Variants in ASTN1 observed in about 807,000 individuals in gnomAD.
ASTN1 encodes astrotactin 1, also known as astrotactin-1.
A neutral mutation model predicts 140.7 loss-of-function variants in ASTN1; 41 were observed. The observed-to-expected ratio is 0.29, with a 90% confidence interval of 0.23 to 0.38. ASTN1 has a LOEUF of 0.38. Ranked by LOEUF, ASTN1 falls within the 10% of genes least tolerant of loss-of-function variation. The pLI is 1.00. For missense variants in ASTN1, 1,479 were observed against 1,678.8 expected, an observed-to-expected ratio of 0.88 and a Z score of 2.08; for synonymous variants, 640 against 652.2, an observed-to-expected ratio of 0.98 and a Z score of 0.29.
intron 8 of ASTN1, 147 bp downstream of exon 8, chr1:177,014,644 A>T: frequency 1.5e-6 from 1 of 654,608 alleles, no homozygotes; most frequent in Non-Finnish European, 2.7e-6. Flanking sequence ...ATAAATATGG[A>T]AAGGCATAGT....
intron 1 of ASTN1, among the ~76,000 whole-genome samples, chr1:177,062,172 A>C (rs1429536122): frequency 6.6e-6 from 1 of 152,204 alleles, no homozygotes; most frequent in African/African-American, 2.4e-5. Flanking sequence ...AGTCTCTCCC[A>C]AATTTCTAGG....
chr1:176,903,998 C>A (rs1240645762), intron 16 of ASTN1, among the ~76,000 whole-genome samples: 1 of 152,218 alleles, frequency 6.6e-6, no homozygotes, highest in Non-Finnish European at 1.5e-5. Context: ...GTGTCCAAAT[C>A]TCCCCCTCAT....
At chr1:176,998,228 G>A (rs1571625864) in intron 8 of ASTN1, among the ~76,000 whole-genome samples, 1 of 152,126 alleles carries the variant, frequency 6.6e-6, no homozygotes. Flanking sequence ...TAAAATGTGA[G>A]GAGCAAATAA....
At chr1:177,098,972 A>C (rs1680175529) in intron 1 of ASTN1, among the ~76,000 whole-genome samples, 1 of 152,180 alleles carries the variant, frequency 6.6e-6, no homozygotes, top group African/African-American at 2.4e-5. Context: ...GCAGCAAATC[A>C]AAACTACTCT....
chr1:176,864,690 C>G (rs990077627), intron 22 of ASTN1, among the ~76,000 whole-genome samples, 169 bp from the exon 23 acceptor site: 1 of 152,074 alleles, frequency 6.6e-6, no homozygotes, highest in African/African-American at 2.4e-5. Context: ...AAATATCTGT[C>G]AAGCAAATGA....
At chr1:177,050,983 T>G (rs1386865496) in intron 2 of ASTN1, among the ~76,000 whole-genome samples, 2 of 152,222 alleles carry the variant, frequency 1.3e-5, no homozygotes, top group African/African-American at 4.8e-5. Flanking sequence ...TATTTGCTAA[T>G]AAGTATCCTG....
At chr1:177,121,964 C>T (rs1034468939) in intron 1 of ASTN1, among the ~76,000 whole-genome samples, 2 of 152,050 alleles carry the variant, frequency 1.3e-5, no homozygotes, top group African/African-American at 2.4e-5. Context: ...AATGAGAGGC[C>T]CTCTTGACCC....
intron 1 of ASTN1, among the ~76,000 whole-genome samples, chr1:177,150,588 G>A (rs1682987617): frequency 6.6e-6 from 1 of 152,166 alleles, no homozygotes; most frequent in African/African-American, 2.4e-5. Context: ...ATCAGGCAGA[G>A]TGAAAGAGTA....
chr1:176,981,104 AG>A (rs1171627153), intron 8 of ASTN1, among the ~76,000 whole-genome samples: 1 of 148,062 alleles, frequency 6.8e-6, no homozygotes, highest in Non-Finnish European at 1.5e-5. Flanking sequence ...CCCAGCTACT[AG>A]GGAGGCTGAG....
intron 11 of ASTN1, 79 bp downstream of exon 11, chr1:176,957,599 T>C (rs1037559518): frequency 1.3e-5 from 20 of 1,522,526 alleles, no homozygotes; most frequent in Admixed American, 1.9e-5. Flanking sequence ...TTTTTCCCTA[T>C]GTATCTGTAT....
intron 1 of ASTN1, among the ~76,000 whole-genome samples, chr1:177,108,266 T>C (rs996506378): frequency 2.7e-5 from 4 of 150,328 alleles, no homozygotes; most frequent in South Asian, 2.1e-4. Context: ...GGAGAATCGC[T>C]TGGACCCGGG....
intron 1 of ASTN1, among the ~76,000 whole-genome samples, chr1:177,145,450 G>A (rs993295796): frequency 6.6e-6 from 1 of 152,144 alleles, no homozygotes; most frequent in African/African-American, 2.4e-5. Flanking sequence ...CCATAATTCT[G>A]AAATTCTCAA....
At chr1:177,005,272 G>A (rs1225535204) in intron 8 of ASTN1, among the ~76,000 whole-genome samples, 1 of 152,124 alleles carries the variant, frequency 6.6e-6, no homozygotes, top group Admixed American at 6.5e-5. Context: ...ATTAAAAAAT[G>A]AGATACCATT....
rs193035971 is a variant in ASTN1, at chr1:176,972,492, T to G, written c.1524-7255A>C. On this transcript the variant is annotated intron_variant, in intron 8 of 22. Coordinates refer to ENST00000361833, the MANE Select transcript of ASTN1 (RefSeq NM_004319.3). ...CTACAGTTGCTAAATGAACTACTAC[T>G]TTTTTTTAATTTTTAATTTTTTTAG... is the stretch of plus-strand genomic sequence containing the variant. 2.9e-3 allele frequency among the ~76,000 whole-genome samples: 444 copies of G among 151,994 alleles called. 3 individuals are homozygous for G. Among genetic ancestry groups the G allele is most frequent in the South Asian group, 9.4e-3 (45 of 4,808 alleles).
intron 1 of ASTN1, among the ~76,000 whole-genome samples, chr1:177,144,915 A>G (rs920136285): frequency 2.0e-5 from 3 of 152,178 alleles, no homozygotes; most frequent in African/African-American, 7.2e-5. Flanking sequence ...GTAAGAAAAC[A>G]CATGATTTAC....
rs111476792 is a variant in ASTN1 at position 176,975,071 on chromosome 1, A to G, written c.1524-9834T>C. Reference sequence around the variant, plus strand: ...CAGAGTTCATCTGTCCCCACATGGGAGAAGCTTAGCCCAGAGAACTGTAGT... The same window carrying G: ...CAGAGTTCATCTGTCCCCACATGGGGGAAGCTTAGCCCAGAGAACTGTAGT... On this transcript the variant is annotated intron_variant, in intron 8 of 22. Coordinates refer to ENST00000361833, the MANE Select transcript of ASTN1 (RefSeq NM_004319.3). 1.7e-3 allele frequency among the ~76,000 whole-genome samples: 260 copies of G among 152,316 alleles called. 1 individual carries two copies. The Middle Eastern group carries it at 0.034, about 20-fold the overall frequency.
At chr1:176,871,886 C>T (rs1252574814) in intron 21 of ASTN1, among the ~76,000 whole-genome samples, 1 of 152,174 alleles carries the variant, frequency 6.6e-6, no homozygotes, top group Non-Finnish European at 1.5e-5. Context: ...CTTTAACATT[C>T]ATGATGTTCA....
chr1:177,024,486 A>G, intron 6 of ASTN1, 97 bp downstream of exon 6: 1 of 1,451,748 alleles, frequency 6.9e-7, no homozygotes, highest in Non-Finnish European at 9.4e-7. Flanking sequence ...CGGTAGAGTA[A>G]TAGGTAACAG....
intron 6 of ASTN1, 108 bp from the exon 7 acceptor site, chr1:177,023,679 T>C (rs1246855684): frequency 8.3e-7 from 1 of 1,207,656 alleles, no homozygotes; most frequent in African/African-American, 1.6e-5. Context: ...CAATCAGAGA[T>C]CCTAACTCTC....
Sources: gnomAD v4.1 joint callset for allele counts (sites outside exome capture counted in the v4.1 genomes callset) on GRCh38, gnomAD v4.1.1 for gene constraint, MANE v1.5 for transcripts, NCBI Gene and HGNC (gene_info 2026-07-23, HGNC 2026-07-21) for gene names.